CEP162: variants seen among roughly 807,000 people sequenced by gnomAD.
The protein encoded by CEP162 is centrosomal protein 162, also known as centrosomal protein of 162 kDa.
In CEP162, 141 loss-of-function variants were observed where a neutral mutation model predicts 169.2. The ratio of observed to expected loss-of-function variants is 0.83; its 90% CI spans 0.73 to 0.96. The LOEUF (loss-of-function observed/expected upper bound fraction) is 0.96. Ranked by LOEUF, CEP162 falls within the 40% of genes least tolerant of loss-of-function variation. The pLI, the probability that CEP162 is intolerant of heterozygous loss-of-function variation, is 0.00. For missense variants in CEP162, 1,600 were observed against 1,587.2 expected (o/e 1.01, Z -0.14); for synonymous variants, 540 against 526.4 (o/e 1.03, Z -0.35).
chr6:84,142,808 G>C (rs2099517233), intron 25 of CEP162, among the ~76,000 whole-genome samples: 3 of 152,030 alleles, frequency 2.0e-5, no homozygotes, highest in African/African-American at 7.2e-5. Flanking sequence ...ATTATTCCAT[G>C]TATATTAAGC....
At chr6:84,153,926 C>T (rs2099522083) in intron 22 of CEP162, among the ~76,000 whole-genome samples, 2 of 152,086 alleles carry the variant, frequency 1.3e-5, no homozygotes, top group African/African-American at 2.4e-5. Context: ...CGACGCTGCC[C>T]TAAGTGTCTG....
intron 17 of CEP162, among the ~76,000 whole-genome samples, chr6:84,170,373 C>CAAAAAAAA (rs57988482): frequency 3.5e-5 from 1 of 28,332 alleles, no homozygotes; most frequent in African/African-American, 6.0e-5. Context: ...GACTCCGTCT[C>CAAAAAAAA]AAAAAAAAAA....
intron 3 of CEP162, among the ~76,000 whole-genome samples, chr6:84,218,854 T>C (rs1005325564): frequency 5.9e-5 from 9 of 152,364 alleles, no homozygotes; most frequent in East Asian, 1.9e-4. Context: ...TGTGCTGTAG[T>C]GGCAACATGT....
chr6:84,173,046 C>T (rs1313158215), intron 16 of CEP162, among the ~76,000 whole-genome samples: 2 of 152,084 alleles, frequency 1.3e-5, no homozygotes, highest in African/African-American at 4.8e-5. Flanking sequence ...TTTTTTCACC[C>T]TCAGGGCATT....
intron 6 of CEP162, among the ~76,000 whole-genome samples, chr6:84,209,907 A>G (rs1313982877): frequency 1.3e-5 from 2 of 152,238 alleles, no homozygotes; most frequent in Non-Finnish European, 2.9e-5. Flanking sequence ...AGGAAGTGTC[A>G]TTAGTAGACA....
chr6:84,222,561 T>C (rs2099554128), intron 2 of CEP162, among the ~76,000 whole-genome samples: 2 of 152,240 alleles, frequency 1.3e-5, no homozygotes, highest in African/African-American at 2.4e-5. Context: ...TAAACTACCC[T>C]GCAGAAATTT....
rs144260749 is a variant in CEP162 at position 84,215,818 on chromosome 6, T to C, written c.277A>G (p.Ser93Gly). 13,604 of 1,590,650 alleles carry C rather than the reference T, an allele frequency of 8.6e-3. 59 individuals are homozygous for C. Among genetic ancestry groups the C allele is most frequent in the Non-Finnish European group, 9.6e-3 (11,211 of 1,166,584 alleles). ...SAEKIQFLKS[S>G]GTSLLSTDSL... ...TCAGTACTTAAGAGAGAGGTTCCAC[T>C]GCTCTTAAGAAATTGAATCTTTTCA... is the stretch of plus-strand genomic sequence containing the variant. The change falls in exon 4 of 27, where the codon AGT becomes GGT. Residue 93 changes from serine (S) to glycine (G), a missense_variant. By Grantham distance (56) the Ser-to-Gly change is moderately conservative. Transcript: ENST00000403245.
At chr6:84,181,634 C>T (rs984220402) in intron 13 of CEP162, among the ~76,000 whole-genome samples, 2 of 151,972 alleles carry the variant, frequency 1.3e-5, no homozygotes, top group African/African-American at 4.8e-5. Context: ...AATAGCAATG[C>T]ATAAGAAAAT....
intron 25 of CEP162, among the ~76,000 whole-genome samples, chr6:84,134,917 TATACACAC>T (rs1392567666): frequency 4.1e-5 from 3 of 73,570 alleles, no homozygotes; most frequent in African/African-American, 1.4e-4. Context: ...AAAGATCATA[TATACACAC>T]ACACACACAC....
At position 84,161,741 on chromosome 6, in the gene CEP162, A is replaced by C; in HGVS notation, c.2676+5T>G. 1 of 1,573,286 alleles carries C rather than the reference A, an allele frequency of 6.4e-7. No homozygotes were observed. The highest frequency in any genetic ancestry group is 8.6e-7 in the Non-Finnish European group (1 of 1,157,080). ...AGAAGAAATACATTCTGAAATATCT[A>C]TTACCTCAAGTTTGAGCTTCTCAAT... On this transcript the variant is annotated splice_donor_5th_base_variant and intron_variant, in intron 20 of 26. Coordinates refer to ENST00000403245, the MANE Select transcript of CEP162 (RefSeq NM_014895.4).
At chr6:84,146,621 A>G (rs1005158331) in intron 25 of CEP162, 66 bp downstream of exon 25, 6 of 689,544 alleles carry the variant, frequency 8.7e-6, no homozygotes, top group Non-Finnish European at 1.5e-5. Context: ...AAAATTTATA[A>G]ATATGAATAT....
intron 13 of CEP162, among the ~76,000 whole-genome samples, chr6:84,182,524 G>A (rs1355570842): frequency 1.3e-5 from 2 of 151,984 alleles, no homozygotes. Flanking sequence ...GTCCTGAGCA[G>A]CAACGTACAT....
intron 21 of CEP162, among the ~76,000 whole-genome samples, chr6:84,159,539 ATATATATATTTTTTTTTTTTTT>A (rs2099524690): frequency 2.6e-5 from 1 of 38,552 alleles, no homozygotes; most frequent in African/African-American, 1.1e-4. Context: ...ATATATATAT[ATATATATATTTTTTTTTTTTTT>A]TTTTTTTTTT....
intron 25 of CEP162, 108 bp from the exon 26 acceptor site, chr6:84,126,620 A>G (rs984447335): frequency 8.0e-5 from 58 of 723,372 alleles, no homozygotes; most frequent in Non-Finnish European, 1.2e-4. Context: ...AGTAAGAGGC[A>G]CCTTGGATTG....
intron 13 of CEP162, among the ~76,000 whole-genome samples, chr6:84,180,836 A>T (rs1378963490): frequency 6.6e-6 from 1 of 152,198 alleles, no homozygotes; most frequent in Non-Finnish European, 1.5e-5. Context: ...CTGCTCAACG[A>T]AATAAAAGAG....
intron 3 of CEP162, chr6:84,219,275 T>G: frequency 1.5e-6 from 1 of 654,234 alleles, no homozygotes; most frequent in Admixed American, 2.5e-5. Context: ...GACCAGGTTA[T>G]TCCCGTGGGC....
rs1291277632 is a variant in CEP162, at chr6:84,226,404, T to C, written c.-11A>G. The C allele has an allele frequency of 6.4e-6, 10 of 1,561,220 alleles. No individual in the cohort carries two copies. The highest frequency in any genetic ancestry group is 8.7e-6 in the Non-Finnish European group (10 of 1,148,486). On this transcript the variant is annotated 5_prime_UTR_variant, in exon 2 of 27. Transcript: ENST00000403245. Reference sequence around the variant, plus strand: ...GGAACAGTTAGCCATAGTCAACAATTTTGACCTCCCAAAGTAAACATTCTA... The same window carrying C: ...GGAACAGTTAGCCATAGTCAACAATCTTGACCTCCCAAAGTAAACATTCTA...
At chr6:84,206,441 A>G (rs1562083637) in intron 6 of CEP162, among the ~76,000 whole-genome samples, 2 of 152,200 alleles carry the variant, frequency 1.3e-5, no homozygotes, top group South Asian at 4.1e-4. Context: ...CTGATCTTTG[A>G]CAAACCTGAC....
In CEP162 at chr6:84,128,767, C is replaced by T. The variant is rs188585609; in HGVS notation, c.3871-2255G>A. Among the ~76,000 whole-genome samples, 727 of 152,034 alleles carry T rather than the reference C, an allele frequency of 4.8e-3. 8 individuals are homozygous for T. Among genetic ancestry groups the T allele is most frequent in the African/African-American group, 0.016 (664 of 41,460 alleles). On this transcript the variant is annotated intron_variant, in intron 25 of 26. Coordinates refer to ENST00000403245, the MANE Select transcript of CEP162 (RefSeq NM_014895.4). ...TGCAGGTTTGTTACATAGGTATACA[C>T]GTGCCATGATGGTTTGCTGCACCCA...
Sources: allele counts gnomAD v4.1 joint callset (sites outside exome capture counted in the v4.1 genomes callset), GRCh38; gene constraint gnomAD v4.1.1; transcripts MANE v1.5; gene names NCBI Gene and HGNC (gene_info 2026-07-23, HGNC 2026-07-21).